Variants in AHNAK2 observed in about 807,000 individuals in gnomAD.
AHNAK2 encodes the protein protein AHNAK2.
Under a neutral mutation model 30.7 loss-of-function variants are expected in AHNAK2, and 18 were observed. The observed-to-expected ratio is 0.59, with a 90% CI of 0.41 to 0.87. The LOEUF (loss-of-function observed/expected upper bound fraction) is 0.87. Among genes scored for constraint, AHNAK2 ranks in the 40% least tolerant of loss-of-function variants. The probability of loss-of-function intolerance (pLI) is 0.00; values close to 1 mark genes in which losing one functional copy is unlikely to be tolerated. For missense variants in AHNAK2, 8,604 were observed against 7,373.0 expected (o/e 1.17, Z -6.11); for synonymous variants, 3,590 against 3,073.8 (o/e 1.17, Z -5.56).
rs146769021 is a variant in AHNAK2, at chr14:104,965,884, A to G, written c.56-8212T>C. ...TCTCTGAGCTTTCATTCCCTCATGGATATGTGGACCACCCTGCCTGCCCTG... is the reference window on the plus strand; with the variant it reads ...TCTCTGAGCTTTCATTCCCTCATGGGTATGTGGACCACCCTGCCTGCCCTG... On this transcript the variant is annotated intron_variant, in intron 1 of 6. Transcript: ENST00000333244. Among the ~76,000 whole-genome samples the G allele has an allele frequency of 6.6e-3, 1,003 of 152,200 alleles. 12 individuals carry two copies. The highest frequency in any genetic ancestry group is 0.023 in the African/African-American group (960 of 41,528).
Position 104,952,028 on chromosome 14 carries a change from G to T in AHNAK2, c.3423C>A (p.Asp1141Glu), listed in dbSNP as rs372839146. ...VDVEAPGAKL[D>E]SARLEGELSL... ...ACAGTTCCCCCTCCAGCCGCGCACTGTCCAGCTTGGCTCCCGGGGCCTCGA... is the reference window on the plus strand; with the variant it reads ...ACAGTTCCCCCTCCAGCCGCGCACTTTCCAGCTTGGCTCCCGGGGCCTCGA... The change falls in exon 7 of 7, where the codon GAC (aspartate) becomes GAA (glutamate). Residue 1141 changes from aspartate (D) to glutamate (E), a missense_variant. Transcript: ENST00000333244. The T allele has an allele frequency of 1.3e-6, 2 of 1,592,010 alleles. No homozygotes were observed. The highest frequency in any genetic ancestry group is 1.7e-6 in the Non-Finnish European group (2 of 1,174,796).
In AHNAK2 at chr14:104,951,490, C is replaced by G. The variant is rs764851483; in HGVS notation, c.3961G>C (p.Val1321Leu). ...TTGAACTTGCTGTCTTTGGCAGTCA[C>G]GTCCTTGTCAGCCAGGGACAGGTCC... ...DGDLSLADKD[V>L]TAKDSKFKMP... Residue 1321 changes from valine (V) to leucine (L), a missense_variant, in exon 7 of 7, where the codon GTG (valine) becomes CTG (leucine). Physicochemically the swap from Val to Leu is conservative, Grantham distance 32. Coordinates refer to ENST00000333244, the MANE Select transcript of AHNAK2 (RefSeq NM_138420.4). 9.6e-6 allele frequency: 12 copies of G among 1,244,994 alleles called. 2 individuals are homozygous for G. The highest frequency in any genetic ancestry group is 3.7e-5 in the Admixed American group (2 of 53,368). The allele number at this position is 1,244,994 out of a possible 1,614,324, so 77.1% of individuals were successfully genotyped here.
rs767846371 is a variant in AHNAK2 at position 104,953,892 on chromosome 14, G to C, written c.1559C>G (p.Ser520Cys). 3 of 1,613,972 alleles carry C rather than the reference G, an allele frequency of 1.9e-6. No individual in the cohort carries two copies. Among genetic ancestry groups the C allele is most frequent in the South Asian group, 2.2e-5 (2 of 91,078 alleles). ...TPQRGKRQDA[S>C]SKAGTGLKGE... is the part of the protein sequence containing the mutation. Reference sequence around the variant, plus strand: ...CTTCAGGCCAGTACCCGCTTTTGAGGACGCATCCTGTCTCTTCCCTCGCTG... The same window carrying C: ...CTTCAGGCCAGTACCCGCTTTTGAGCACGCATCCTGTCTCTTCCCTCGCTG... Residue 520 changes from serine to cysteine, a missense_variant, in exon 7 of 7, where the codon TCC becomes TGC. Transcript: ENST00000333244.
In AHNAK2 at chr14:104,942,984, A is replaced by T; in HGVS notation, c.12467T>A (p.Val4156Glu). Residue 4156 changes from valine to glutamate, a missense_variant, in exon 7 of 7, where the codon GTG becomes GAG. Physicochemically the swap from Val to Glu is moderately radical, Grantham distance 121. Transcript: ENST00000333244. ...TTTCGCCTTCAGCTCAGACACATCC[A>T]CGGACGCCTCCATGGACTTGCCTGG... is the stretch of plus-strand genomic sequence containing the variant. ...SAPGKSMEASVDVSELKAKAD... is the reference protein window; with the variant it reads ...SAPGKSMEASEDVSELKAKAD... 1 of 1,612,916 alleles carries T rather than the reference A, an allele frequency of 6.2e-7. No homozygotes were observed. Among genetic ancestry groups the T allele is most frequent in the Non-Finnish European group, 8.5e-7 (1 of 1,179,508 alleles).
chr14:104,949,378 G>A lies in AHNAK2; in HGVS notation c.6073C>T (p.Pro2025Ser), dbSNP rs202033888. The change falls in exon 7 of 7, where the codon CCC (proline) becomes TCC (serine). Residue 2025 changes from proline to serine, a missense_variant. Coordinates refer to ENST00000333244, the MANE Select transcript of AHNAK2 (RefSeq NM_138420.4). ...APKVEADVSL[P>S]SMQGDLKTTD... ...GTCTTCAGGTCCCCCTGCATGGAGG[G>A]GAGACTCACGTCGGCCTCCACCTTG... is the stretch of plus-strand genomic sequence containing the variant. 256 of 1,578,536 alleles carry A rather than the reference G, an allele frequency of 1.6e-4. 15 individuals carry two copies. In the African/African-American group the frequency reaches 2.4e-3, roughly 15 times the overall value.
Position 104,950,541 on chromosome 14 carries a change from C to G in AHNAK2, c.4910G>C (p.Gly1637Ala). 2.5e-6 allele frequency: 4 copies of G among 1,587,310 alleles called. No individual in the cohort carries two copies. Among genetic ancestry groups the G allele is most frequent in the Admixed American group, 3.5e-5 (2 of 57,530 alleles). The change falls in exon 7 of 7, where the codon GGT becomes GCT. Residue 1637 changes from glycine (G) to alanine (A), a missense_variant. Coordinates refer to ENST00000333244, the MANE Select transcript of AHNAK2 (RefSeq NM_138420.4). ...GGACAGGTCCCCCTCCAGCTGCGCA[C>G]CATCCAGCTTTGCTCTCGGGGCCTG... ...DVQAPRAKLD[G>A]AQLEGDLSLA...
chr14:104,953,764 T>C lies in AHNAK2; in HGVS notation c.1687A>G (p.Thr563Ala). The change falls in exon 7 of 7, where the codon ACA (threonine) becomes GCA (alanine). Residue 563 changes from threonine (T) to alanine (A), a missense_variant. Physicochemically the swap from Thr to Ala is moderately conservative, Grantham distance 58 (BLOSUM62 0). Coordinates refer to ENST00000333244, the MANE Select transcript of AHNAK2 (RefSeq NM_138420.4). ...EGDGEEGLQR[T>A]RITEEQDKGR... The stretch of plus-strand genomic sequence containing the variant: ...TTGTCCTGTTCCTCAGTGATCCTTG[T>C]CCTCTGTAGTCCTTCCTCTCCATCT... 1 of 1,613,984 alleles carries C rather than the reference T, an allele frequency of 6.2e-7. No individual in the cohort carries two copies. The highest frequency in any genetic ancestry group is 8.5e-7 in the Non-Finnish European group (1 of 1,179,894).
Position 104,950,894 on chromosome 14 carries a change from A to G in AHNAK2, c.4557T>C (p.Ser1519=), listed in dbSNP as rs184360021. The change falls in exon 7 of 7, where the codon TCT becomes TCC. Residue 1519 remains serine, a synonymous_variant. Transcript: ENST00000333244. ...GKSIEASVDV[S]APKVEADVSL... ...TCACGTCGGCCTCCACCTTCGGCGC[A>G]GACACATCCACTGAGGCCTCGATGG... The G allele has an allele frequency of 1.3e-3, 2,096 of 1,562,802 alleles. 140 individuals are homozygous for G. In the African/African-American group the frequency reaches 0.023, roughly 17 times the overall value.
At position 104,942,509 on chromosome 14, in the gene AHNAK2, G is replaced by C. The variant is rs188044691; in HGVS notation, c.12942C>G (p.Gly4314=). 3.9e-4 allele frequency: 626 copies of C among 1,612,994 alleles called. 5 individuals carry two copies. The African/African-American group carries it at 6.6e-3, about 17-fold the overall frequency. The change falls in exon 7 of 7, where the codon GGC becomes GGG. Residue 4314 remains glycine, a synonymous_variant. Transcript: ENST00000333244. ...CATCCAACGAGGCCTCGATGGACTT[G>C]CCTGGGGCAGACACCCCGAACGACG... ...KMPSFGVSAP[G]KSIEASLDVS... is the part of the protein sequence containing the mutation.
At position 104,940,761 on chromosome 14, in the gene AHNAK2, C is replaced by A. The variant is rs373317852; in HGVS notation, c.14690G>T (p.Ser4897Ile). 6.2e-6 allele frequency: 10 copies of A among 1,612,796 alleles called. No individual in the cohort carries two copies. Among genetic ancestry groups the A allele is most frequent in the South Asian group, 1.1e-5 (1 of 91,072 alleles). The change falls in exon 7 of 7, where the codon AGC (serine) becomes ATC (isoleucine). Residue 4897 changes from serine to isoleucine, a missense_variant. Ser to Ile is a moderately radical substitution (Grantham distance 142). Transcript: ENST00000333244. The surrounding 1 kb of genome is among the most constrained non-coding windows in gnomAD (Gnocchi z 4.4). ...GGGGCACTGCACTCTTTCTCCAGGG[C>A]TAAGAGGAGACATGACTGGGGCACC... The part of the protein sequence containing the change: ...AVGAPVMSPL[S>I]PGERVQCPLP...
At chr14:104,957,945 GT>G (rs1899028925) in intron 1 of AHNAK2, among the ~76,000 whole-genome samples, 1 of 152,134 alleles carries the variant, frequency 6.6e-6, no homozygotes, top group Non-Finnish European at 1.5e-5. Flanking sequence ...AACACAAGGC[GT>G]TTGTTATTGT....
In AHNAK2 at chr14:104,941,115, A is replaced by G. The variant is rs1451368566; in HGVS notation, c.14336T>C (p.Phe4779Ser). 1 of 1,613,688 alleles carries G rather than the reference A, an allele frequency of 6.2e-7. No individual in the cohort carries two copies. The highest frequency in any genetic ancestry group is 1.1e-5 in the South Asian group (1 of 91,084). Residue 4779 changes from phenylalanine to serine, a missense_variant, in exon 7 of 7, where the codon TTT becomes TCT. By Grantham distance (155) the Phe-to-Ser change is radical. Transcript: ENST00000333244. ...SSRLDLTGPH[F>S]ESSILSPCED... ...ACAGGGAGAGAGAATAGAAGATTCA[A>G]AGTGAGGACCAGTGAGATCAAGCCG... is the stretch of plus-strand genomic sequence containing the variant.
rs1165636418 is a variant in AHNAK2, at chr14:104,939,360, A to G, written c.16091T>C (p.Met5364Thr). ...ATTAACCACAGAAATCTGGGATGGC[A>G]TATCAGTACTTGAAGCTTTCAATTT... ...PLKLKASSTD[M>T]PSQISVVNVD... is the part of the protein sequence containing the mutation. The change falls in exon 7 of 7, where the codon ATG (methionine) becomes ACG (threonine). Residue 5364 changes from methionine (M) to threonine (T), a missense_variant. Transcript: ENST00000333244. The G allele has an allele frequency of 6.2e-7, 1 of 1,613,582 alleles. No homozygotes were observed. Among genetic ancestry groups the G allele is most frequent in the African/African-American group, 1.3e-5 (1 of 74,940 alleles).
Position 104,951,925 on chromosome 14 carries a change from A to T in AHNAK2, c.3526T>A (p.Ser1176Thr), listed in dbSNP as rs189334378. 17,872 of 1,609,486 alleles carry T rather than the reference A, an allele frequency of 0.011. 196 individuals are homozygous for T. Among genetic ancestry groups the T allele is most frequent in the Non-Finnish European group, 0.013 (15,476 of 1,178,264 alleles). The change falls in exon 7 of 7, where the codon TCA becomes ACA. Residue 1176 changes from serine (S) to threonine (T), a missense_variant. Transcript: ENST00000333244. ...GCCTCGATGGACTTGCCTGGGGCTG[A>T]CGCCCCGAACGATGGCATCTTGAAC... ...PKFKMPSFGASAPGKSIEASV... is the reference protein window; with the variant it reads ...PKFKMPSFGATAPGKSIEASV...
chr14:104,971,540 G>A (rs1035943078), intron 1 of AHNAK2, among the ~76,000 whole-genome samples: 2 of 151,986 alleles, frequency 1.3e-5, no homozygotes, highest in African/African-American at 2.4e-5. Flanking sequence ...GTGAGCCTCC[G>A]CACTGGCCTA....
rs377751770 is a variant in AHNAK2 at position 104,950,044 on chromosome 14, C to T, written c.5407G>A (p.Val1803Met). 6 of 1,586,918 alleles carry T rather than the reference C, an allele frequency of 3.8e-6. No homozygotes were observed. Among genetic ancestry groups the T allele is most frequent in the African/African-American group, 1.4e-5 (1 of 72,170 alleles). Residue 1803 changes from valine (V) to methionine (M), a missense_variant, in exon 7 of 7, where the codon GTG (valine) becomes ATG (methionine). Physicochemically the swap from Val to Met is conservative, Grantham distance 21. Coordinates refer to ENST00000333244, the MANE Select transcript of AHNAK2 (RefSeq NM_138420.4). ...VEAPGAKLDS[V>M]RLEGDLSLAD... is the part of the protein sequence containing the mutation. Reference sequence around the variant, plus strand: ...AGGGACAGGTCACCCTCCAGCCGCACACTGTCCAGCTTGGCTCCTGGAGCC... The same window carrying T: ...AGGGACAGGTCACCCTCCAGCCGCATACTGTCCAGCTTGGCTCCTGGAGCC...
rs761650221 is a variant in AHNAK2, at chr14:104,955,622, C to T, written c.327G>A (p.Glu109=). The T allele has an allele frequency of 3.7e-6, 6 of 1,613,308 alleles. No individual in the cohort carries two copies. In the South Asian group the frequency reaches 5.5e-5, roughly 15 times the overall value. The change falls in exon 5 of 7, where the codon GAG becomes GAA. Residue 109 remains glutamate, a synonymous_variant. Coordinates refer to ENST00000333244, the MANE Select transcript of AHNAK2 (RefSeq NM_138420.4). ...FRMSRPEAVQ[E]ATEVTLKTEV... The stretch of plus-strand genomic sequence containing the variant: ...CTGTCTTCAGCGTCACCTCTGTTGC[C>T]TCCTGGACAGCCTGGAGCAGAAGCA...
At position 104,952,711 on chromosome 14, in the gene AHNAK2, C is replaced by T. The variant is rs1474598290; in HGVS notation, c.2740G>A (p.Val914Met). 3 of 1,612,840 alleles carry T rather than the reference C, an allele frequency of 1.9e-6. No homozygotes were observed. The highest frequency in any genetic ancestry group is 2.2e-5 in the South Asian group (2 of 91,050). ...GGCATCTCCACTTTGGGCAGGTGCACTTTGGGGCCGGCTCCCTCGGGCACA... is the reference window on the plus strand; with the variant it reads ...GGCATCTCCACTTTGGGCAGGTGCATTTTGGGGCCGGCTCCCTCGGGCACA... ...GPVPEGAGPK[V>M]HLPKVEMPSF... Residue 914 changes from valine to methionine, a missense_variant, in exon 7 of 7, where the codon GTG becomes ATG. Val to Met is a conservative substitution (Grantham distance 21). Coordinates refer to ENST00000333244, the MANE Select transcript of AHNAK2 (RefSeq NM_138420.4).
In AHNAK2 at chr14:104,938,750, C is replaced by T. The variant is rs371942919; in HGVS notation, c.16701G>A (p.Gln5567=). The T allele has an allele frequency of 3.5e-5, 57 of 1,613,784 alleles. No individual in the cohort carries two copies. The highest frequency in any genetic ancestry group is 4.7e-5 in the Non-Finnish European group (56 of 1,179,888). Reference sequence around the variant, plus strand: ...TCTCAAATGGTTCTCCAGTGTCAGGCTGGAGATCTCCAGAAATGGAGTCTA... The same window carrying T: ...TCTCAAATGGTTCTCCAGTGTCAGGTTGGAGATCTCCAGAAATGGAGTCTA... ...PGVDSISGDL[Q]PDTGEPFEMI... is the part of the protein sequence containing the mutation. The change falls in exon 7 of 7, where the codon CAG becomes CAA. Residue 5567 remains glutamine, a synonymous_variant. Transcript: ENST00000333244.
Sources: allele counts gnomAD v4.1 joint callset (sites outside exome capture counted in the v4.1 genomes callset), GRCh38; gene constraint gnomAD v4.1.1; non-coding constraint Gnocchi (gnomAD v3.1); transcripts MANE v1.5; gene names NCBI Gene and HGNC (gene_info 2026-07-23, HGNC 2026-07-21).